ETV6: variants seen among roughly 807,000 people sequenced by gnomAD.
ETV6 encodes ETS variant transcription factor 6, also known as transcription factor ETV6.
Under a neutral mutation model 51.1 loss-of-function variants are expected in ETV6, and 16 were observed. That is an observed-to-expected ratio of 0.31 (90% confidence interval 0.21 to 0.48). The LOEUF (loss-of-function observed/expected upper bound fraction) is 0.48. ETV6 is among the 20% of genes least tolerant of loss of function. The probability of loss-of-function intolerance (pLI) is 0.99; values close to 1 mark genes in which losing one functional copy is unlikely to be tolerated. For missense variants in ETV6, 458 were observed against 594.8 expected (o/e 0.77, Z 2.39); for synonymous variants, 240 against 224.1 (o/e 1.07, Z -0.64).
chr12:11,801,546 T>C (rs1303086528), intron 2 of ETV6, among the ~76,000 whole-genome samples: 1 of 152,250 alleles, frequency 6.6e-6, no homozygotes, highest in East Asian at 1.9e-4. Flanking sequence ...ATTCTGCGGA[T>C]AACACAGTCA....
chr12:11,809,767 C>T (rs1394769899), intron 2 of ETV6, among the ~76,000 whole-genome samples: 1 of 147,484 alleles, frequency 6.8e-6, no homozygotes, highest in Non-Finnish European at 1.5e-5. Flanking sequence ...ATAAAACCTT[C>T]ATCTTGGCTA....
At position 11,885,994 on chromosome 12, in the gene ETV6, C is replaced by G. The variant is rs2136602410; in HGVS notation, c.1221C>G (p.Ile407Met). The change falls in exon 7 of 8, where the codon ATC becomes ATG. Residue 407 changes from isoleucine (I) to methionine (M), a missense_variant. Physicochemically the swap from Ile to Met is conservative, Grantham distance 10. This residue lies in a region of ETV6 where 55 missense variants were observed against 151.2 expected (regional missense o/e 0.36). Coordinates refer to ENST00000396373, the MANE Select transcript of ETV6 (RefSeq NM_001987.5). ...GCCACTACTACAAACTAAACATTATCAGGAAGGAGCCAGGACAAAGGCTTT... is the reference window on the plus strand; with the variant it reads ...GCCACTACTACAAACTAAACATTATGAGGAAGGAGCCAGGACAAAGGCTTT... ...ALRHYYKLNI[I>M]RKEPGQRLLF... 6.2e-7 allele frequency: 1 copy of G among 1,613,794 alleles called. No individual in the cohort carries two copies. Among genetic ancestry groups the G allele is most frequent in the Non-Finnish European group, 8.5e-7 (1 of 1,179,728 alleles).
chr12:11,744,032 C>T (rs1308750006), intron 1 of ETV6, among the ~76,000 whole-genome samples: 2 of 152,184 alleles, frequency 1.3e-5, no homozygotes, highest in East Asian at 3.9e-4. Flanking sequence ...TCATCCTTTC[C>T]TTCTGCCCAG....
chr12:11,766,049 C>T (rs1009317954), intron 2 of ETV6, among the ~76,000 whole-genome samples: 6 of 151,900 alleles, frequency 3.9e-5, no homozygotes, highest in African/African-American at 7.3e-5. Context: ...AGCAAGGGCA[C>T]GGGAGAATGA....
intron 4 of ETV6, among the ~76,000 whole-genome samples, chr12:11,860,841 A>G (rs912326116): frequency 6.6e-6 from 1 of 152,136 alleles, no homozygotes; most frequent in African/African-American, 2.4e-5. Context: ...ACCATTCTCA[A>G]TATCGCAACT....
intron 2 of ETV6, among the ~76,000 whole-genome samples, chr12:11,837,107 C>T (rs796768724): frequency 1.2e-4 from 19 of 152,318 alleles, no homozygotes; most frequent in African/African-American, 3.8e-4. Flanking sequence ...ATTCTAGATA[C>T]GTGTTTTCAA....
intron 2 of ETV6, among the ~76,000 whole-genome samples, chr12:11,753,718 T>A (rs1468218492): frequency 6.6e-6 from 1 of 152,194 alleles, no homozygotes; most frequent in East Asian, 1.9e-4. Context: ...TGGGGGCTCC[T>A]GGGGGAACAC....
chr12:11,813,299 G>T (rs545414406), intron 2 of ETV6, among the ~76,000 whole-genome samples: 1 of 152,266 alleles, frequency 6.6e-6, no homozygotes, highest in South Asian at 2.1e-4. Flanking sequence ...CACCCGCCAG[G>T]GGCACACCCT....
At chr12:11,833,876 T>TC (rs1565544090) in intron 2 of ETV6, among the ~76,000 whole-genome samples, 1 of 152,172 alleles carries the variant, frequency 6.6e-6, no homozygotes, top group African/African-American at 2.4e-5. Context: ...CACCACCACT[T>TC]CCATCTCTGT....
intron 2 of ETV6, among the ~76,000 whole-genome samples, chr12:11,803,406 A>G (rs965796085): frequency 6.6e-6 from 1 of 152,204 alleles, no homozygotes; most frequent in African/African-American, 2.4e-5. Context: ...TATTTGTTGA[A>G]TGAATCCTAA....
Position 11,895,282 on chromosome 12 carries a change from CAAAAA to C in ETV6, c.*4238_*4242del, listed in dbSNP as rs1375569758. 6.7e-6 allele frequency: 1 copy of C among 148,270 alleles called. No individual in the cohort carries two copies. Among genetic ancestry groups the C allele is most frequent in the Non-Finnish European group, 1.3e-5 (1 of 75,770 alleles). The allele number at this position is 148,270 out of a possible 1,614,324, so 9.2% of individuals were successfully genotyped here. Reference sequence around the variant, plus strand: ...AAGGGACTGAATCAAATGAATGTAACAAAAAAGAAAAAAAAAACAAAAAAAAATGC... The same window carrying C: ...AAGGGACTGAATCAAATGAATGTAACAGAAAAAAAAAACAAAAAAAAATGC... On this transcript the variant is annotated 3_prime_UTR_variant, in exon 8 of 8. Coordinates refer to ENST00000396373, the MANE Select transcript of ETV6 (RefSeq NM_001987.5).
chr12:11,807,084 A>G (rs1281701723), intron 2 of ETV6, among the ~76,000 whole-genome samples: 2 of 152,262 alleles, frequency 1.3e-5, no homozygotes, highest in African/African-American at 4.8e-5. Flanking sequence ...TCTGAGGGTC[A>G]CAAACGTCAG....
chr12:11,848,018 T>C (rs933721086), intron 3 of ETV6, among the ~76,000 whole-genome samples: 2 of 152,220 alleles, frequency 1.3e-5, no homozygotes, highest in African/African-American at 4.8e-5. Flanking sequence ...GAATGTGACT[T>C]TGTAAAACTT....
chr12:11,759,889 TC>T (rs2046651345), intron 2 of ETV6, among the ~76,000 whole-genome samples: 1 of 152,256 alleles, frequency 6.6e-6, no homozygotes, highest in Non-Finnish European at 1.5e-5. Context: ...ACTGATATTT[TC>T]TCCCATTTTG....
chr12:11,719,323 T>C (rs149165380), intron 1 of ETV6, among the ~76,000 whole-genome samples: 249 of 152,346 alleles, frequency 1.6e-3, no homozygotes, highest in African/African-American at 5.8e-3. Flanking sequence ...ACAGTCCCTT[T>C]GGGCAATCTC....
At chr12:11,799,906 C>G (rs1398276556) in intron 2 of ETV6, among the ~76,000 whole-genome samples, 1 of 152,198 alleles carries the variant, frequency 6.6e-6, no homozygotes, top group African/African-American at 2.4e-5. Context: ...CTGGGACAGA[C>G]AGGCATACCA....
chr12:11,892,455 T>C lies in ETV6; in HGVS notation c.*1409T>C. Reference sequence around the variant, plus strand: ...TCAAAATAAGATCGATGGTATCTTGTAAAATGAGGGTAGTGCCACTTCTTA... The same window carrying C: ...TCAAAATAAGATCGATGGTATCTTGCAAAATGAGGGTAGTGCCACTTCTTA... On this transcript the variant is annotated 3_prime_UTR_variant, in exon 8 of 8. Coordinates refer to ENST00000396373, the MANE Select transcript of ETV6 (RefSeq NM_001987.5). 4.3e-6 allele frequency: 1 copy of C among 233,058 alleles called. No homozygotes were observed. The highest frequency in any genetic ancestry group is 8.5e-6 in the Non-Finnish European group (1 of 117,988). The allele number at this position is 233,058 out of a possible 1,614,324, so 14.4% of individuals were successfully genotyped here. A position where few individuals can be genotyped will look rare whatever the true frequency, so the allele number is the denominator to read the frequency against.
At chr12:11,886,938 A>T (rs957031712) in intron 7 of ETV6, among the ~76,000 whole-genome samples, 1 of 152,194 alleles carries the variant, frequency 6.6e-6, no homozygotes, top group Non-Finnish European at 1.5e-5. Context: ...ATGGGGCTAG[A>T]GATGTAGATT....
chr12:11,851,456 T>C (rs1300763421), intron 3 of ETV6, among the ~76,000 whole-genome samples: 1 of 152,194 alleles, frequency 6.6e-6, no homozygotes, highest in African/African-American at 2.4e-5. Flanking sequence ...AAAATAGGAC[T>C]GTATTTCAGG....
Sources: allele counts gnomAD v4.1 joint callset (sites outside exome capture counted in the v4.1 genomes callset), GRCh38; gene constraint gnomAD v4.1.1; regional missense constraint gnomAD v4.1.1; transcripts MANE v1.5; gene names NCBI Gene and HGNC (gene_info 2026-07-23, HGNC 2026-07-21).